The following CSGALNACT1 variants were observed in gnomAD, a reference collection of about 807,000 sequenced individuals.
The protein encoded by CSGALNACT1 is chondroitin sulfate N-acetylgalactosaminyltransferase 1, also known as beta4GalNAcT-1.
A neutral mutation model predicts 51.0 loss-of-function variants in CSGALNACT1; 52 were observed. The observed-to-expected ratio is 1.02, with a 90% confidence interval of 0.82 to 1.29. The LOEUF (loss-of-function observed/expected upper bound fraction) is 1.29. Ranked by LOEUF, CSGALNACT1 falls within the 50% of genes most tolerant of loss-of-function variation. The pLI, the probability that CSGALNACT1 is intolerant of heterozygous loss-of-function variation, is 0.00. For synonymous variants in CSGALNACT1, 341 were observed against 254.4 expected (o/e 1.34, Z -3.24); for missense variants, 935 against 679.2 (o/e 1.38, Z -4.19).
At chr8:19,480,798 G>C (rs1412365865) in intron 4 of CSGALNACT1, among the ~76,000 whole-genome samples, 1 of 152,106 alleles carries the variant, frequency 6.6e-6, no homozygotes, top group Non-Finnish European at 1.5e-5. Flanking sequence ...CTCCAGCAGT[G>C]AGTTGCCTTT....
chr8:19,715,945 C>A (rs1426050465), intron 1 of CSGALNACT1, among the ~76,000 whole-genome samples: 1 of 152,152 alleles, frequency 6.6e-6, no homozygotes, highest in African/African-American at 2.4e-5. Context: ...TTCCTGTGCA[C>A]CATGTCTCAG....
intron 3 of CSGALNACT1, among the ~76,000 whole-genome samples, chr8:19,526,173 G>C (rs1388468639): frequency 6.6e-6 from 1 of 152,178 alleles, no homozygotes; most frequent in Non-Finnish European, 1.5e-5. Context: ...ATCCAACTGA[G>C]TCTAGGGAAA....
intron 4 of CSGALNACT1, among the ~76,000 whole-genome samples, chr8:19,473,475 G>A (rs1373018725): frequency 6.6e-6 from 1 of 152,084 alleles, no homozygotes; most frequent in African/African-American, 2.4e-5. Flanking sequence ...GAGTCTCCTG[G>A]CTCTTCCAGA....
intron 4 of CSGALNACT1, among the ~76,000 whole-genome samples, chr8:19,488,364 TATATAC>T (rs1343969046): frequency 7.1e-5 from 6 of 84,180 alleles, no homozygotes; most frequent in Admixed American, 1.7e-4. Context: ...TATATATTTA[TATATAC>T]ATATATATAT....
intron 1 of CSGALNACT1, among the ~76,000 whole-genome samples, chr8:19,620,217 A>G (rs1293348208): frequency 2.7e-5 from 4 of 148,538 alleles, no homozygotes; most frequent in African/African-American, 9.9e-5. Context: ...CGGGAGGCTG[A>G]GGCAGGAGAA....
chr8:19,521,193 C>A (rs868109364), intron 3 of CSGALNACT1, among the ~76,000 whole-genome samples: 2 of 152,036 alleles, frequency 1.3e-5, no homozygotes, highest in Non-Finnish European at 2.9e-5. Context: ...CAGACTCACA[C>A]GATCAGAATT....
At chr8:19,578,979 C>G (rs928247632) in intron 3 of CSGALNACT1, among the ~76,000 whole-genome samples, 14 of 152,270 alleles carry the variant, frequency 9.2e-5, no homozygotes, top group African/African-American at 3.4e-4. Flanking sequence ...ATCCTCCTGC[C>G]TCACATCCTT....
At chr8:19,510,150 C>T (rs185455454) in intron 3 of CSGALNACT1, among the ~76,000 whole-genome samples, 1 of 152,278 alleles carries the variant, frequency 6.6e-6, no homozygotes, top group East Asian at 1.9e-4. Flanking sequence ...TAATACTTTC[C>T]TATCCCTGGC....
In CSGALNACT1 at chr8:19,440,498, C is replaced by T. The variant is rs566690151; in HGVS notation, c.852-567G>A. Among the ~76,000 whole-genome samples, 4 of 151,648 alleles carry T rather than the reference C, an allele frequency of 2.6e-5. No individual in the cohort carries two copies. The East Asian group carries it at 7.7e-4, about 29-fold the overall frequency. On this transcript the variant is annotated intron_variant, in intron 5 of 9. Transcript: ENST00000454498. ...ATTATCTCAATAGATGCAGAAAAGGCCTTTGACAAAATTCAACAACCCTTC... is the reference window on the plus strand; with the variant it reads ...ATTATCTCAATAGATGCAGAAAAGGTCTTTGACAAAATTCAACAACCCTTC...
chr8:19,752,631 C>G (rs966040139), intron 1 of CSGALNACT1, among the ~76,000 whole-genome samples: 2 of 152,160 alleles, frequency 1.3e-5, no homozygotes, highest in Admixed American at 1.3e-4. Context: ...TGTGTGCCCA[C>G]GTGCCTTAAG....
upstream of CSGALNACT1, among the ~76,000 whole-genome samples, chr8:19,687,417 A>G (rs1225064864): frequency 1.3e-5 from 2 of 152,270 alleles, no homozygotes; most frequent in African/African-American, 4.8e-5. Flanking sequence ...CCACTAAAAT[A>G]TATTATATAT....
At chr8:19,621,287 C>A (rs191389325) in intron 1 of CSGALNACT1, among the ~76,000 whole-genome samples, 77 of 152,200 alleles carry the variant, frequency 5.1e-4, no homozygotes, top group African/African-American at 1.8e-3. Flanking sequence ...AAAAAAAACC[C>A]TGCAAATCTT....
chr8:19,622,757 G>T (rs1480380885), intron 1 of CSGALNACT1, among the ~76,000 whole-genome samples: 2 of 151,958 alleles, frequency 1.3e-5, no homozygotes, highest in East Asian at 3.8e-4. Flanking sequence ...AATAAAGAGG[G>T]GGGAAATAAA....
chr8:19,440,016 AAAGGGTCTTG>A, intron 5 of CSGALNACT1, 85 bp from the exon 5 acceptor site: 7 of 1,153,804 alleles, frequency 6.1e-6, no homozygotes, highest in Non-Finnish European at 9.1e-6. Flanking sequence ...GTAAAGTGCA[AAAGGGTCTTG>A]AAGGAAACTA....
intron 3 of CSGALNACT1, among the ~76,000 whole-genome samples, chr8:19,507,796 G>T (rs1308753523): frequency 6.6e-6 from 1 of 152,038 alleles, no homozygotes; most frequent in Non-Finnish European, 1.5e-5. Flanking sequence ...CCTGGCTAAT[G>T]TTTTTGTATT....
chr8:19,607,945 C>G (rs2051627635), intron 1 of CSGALNACT1, among the ~76,000 whole-genome samples: 1 of 152,240 alleles, frequency 6.6e-6, no homozygotes, highest in African/African-American at 2.4e-5. Context: ...AGCACTGAGA[C>G]TTAGATGTTA....
rs1028943147 is a variant in CSGALNACT1 at position 19,693,638 on chromosome 8, G to C, written c.-297+64212C>G. On this transcript the variant is annotated intron_variant, in intron 1 of 1. Transcript: ENST00000517494. ...CTGGACCTGTCTACAGGGAGCCCCT[G>C]TTCACATACAGAGCTTTAGTTCTTA... 5.3e-5 allele frequency among the ~76,000 whole-genome samples: 8 copies of C among 152,196 alleles called. No homozygotes were observed. In the East Asian group the frequency reaches 1.5e-3, roughly 29 times the overall value.
upstream of CSGALNACT1, among the ~76,000 whole-genome samples, chr8:19,602,961 G>A (rs535625692): frequency 3.7e-4 from 56 of 149,736 alleles, no homozygotes; most frequent in African/African-American, 1.3e-3. Context: ...ATCTATATAT[G>A]TATTTGCTAT....
rs146049232 is a variant in CSGALNACT1, at chr8:19,488,707, A to G, written c.634+16494T>C. The stretch of plus-strand genomic sequence containing the variant: ...ACATTTTATTGGGCCAGGCACTGCT[A>G]TAATGACATGTGTAAAGACCCATAT... On this transcript the variant is annotated intron_variant, in intron 4 of 9. Coordinates refer to ENST00000454498, the Ensembl canonical transcript of CSGALNACT1. Among the ~76,000 whole-genome samples, 199 of 152,310 alleles carry G rather than the reference A, an allele frequency of 1.3e-3. 2 individuals carry two copies. Among genetic ancestry groups the G allele is most frequent in the African/African-American group, 4.2e-3 (175 of 41,580 alleles).
Sources: gnomAD v4.1 joint callset for allele counts (sites outside exome capture counted in the v4.1 genomes callset) on GRCh38, gnomAD v4.1.1 for gene constraint, MANE v1.5 for transcripts, NCBI Gene and HGNC (gene_info 2026-07-23, HGNC 2026-07-21) for gene names.